The following GABRR2 variants were observed in gnomAD, a reference collection of about 807,000 sequenced individuals.
GABRR2 encodes the protein gamma-aminobutyric acid type A receptor subunit rho2.
GABRR2 carries 36 observed loss-of-function variants against 47.0 expected under a neutral mutation model. The ratio of observed to expected loss-of-function variants is 0.77; its 90% CI spans 0.59 to 1.01. GABRR2 has a LOEUF of 1.01. GABRR2 is among the 50% of genes least tolerant of loss of function. The probability of loss-of-function intolerance (pLI) is 0.00; values close to 1 mark genes in which losing one functional copy is unlikely to be tolerated. For missense variants in GABRR2, 587 were observed against 594.6 expected, an observed-to-expected ratio of 0.99 and a Z score of 0.13; for synonymous variants, 204 against 227.5, an observed-to-expected ratio of 0.90 and a Z score of 0.93.
At chr6:89,279,682 T>TAAA (rs199765709) in intron 2 of GABRR2, among the ~76,000 whole-genome samples, 34 of 129,874 alleles carry the variant, frequency 2.6e-4, no homozygotes, top group African/African-American at 9.5e-4. Flanking sequence ...CAAAAAAAGT[T>TAAA]AAAAAAAAAA....
At chr6:89,278,517 G>A (rs1318884171) in intron 2 of GABRR2, among the ~76,000 whole-genome samples, 1 of 152,248 alleles carries the variant, frequency 6.6e-6, no homozygotes, top group African/African-American at 2.4e-5. Context: ...AAGCTTGTCT[G>A]AGAAGGTGAG....
chr6:89,282,029 C>T (rs1364993417), intron 2 of GABRR2, among the ~76,000 whole-genome samples: 1 of 152,156 alleles, frequency 6.6e-6, no homozygotes, highest in African/African-American at 2.4e-5. Flanking sequence ...ACTCATCCGT[C>T]CAGCCACCTC....
intron 2 of GABRR2, 37 bp from the exon 3 acceptor site, chr6:89,271,759 C>T (rs772423350): frequency 3.2e-6 from 5 of 1,582,494 alleles, no homozygotes; most frequent in Non-Finnish European, 4.3e-6. Context: ...AAGGCACCTT[C>T]CTCTCTACCT....
chr6:89,276,793 G>A (rs1306846017), intron 2 of GABRR2, among the ~76,000 whole-genome samples: 1 of 152,088 alleles, frequency 6.6e-6, no homozygotes, highest in Non-Finnish European at 1.5e-5. Context: ...GTTAAATATA[G>A]AGTCAGTATA....
chr6:89,273,712 T>C (rs1045457975), intron 2 of GABRR2, among the ~76,000 whole-genome samples: 4 of 152,198 alleles, frequency 2.6e-5, no homozygotes, highest in Non-Finnish European at 2.9e-5. Context: ...TCCTAGTACC[T>C]AGATCCCGCT....
chr6:89,286,948 A>T (rs1002560484), intron 2 of GABRR2, among the ~76,000 whole-genome samples: 1 of 152,062 alleles, frequency 6.6e-6, no homozygotes, highest in African/African-American at 2.4e-5. Context: ...CAGCTCCTGT[A>T]CCCCATCCCA....
At chr6:89,293,689 A>G (rs1359746340) in intron 2 of GABRR2, among the ~76,000 whole-genome samples, 1 of 152,256 alleles carries the variant, frequency 6.6e-6, no homozygotes, top group Non-Finnish European at 1.5e-5. Context: ...CAGGAGGCTG[A>G]AGTGGAAGGA....
At chr6:89,308,307 C>G (rs997707786) in intron 1 of GABRR2, among the ~76,000 whole-genome samples, 1 of 152,068 alleles carries the variant, frequency 6.6e-6, no homozygotes, top group Non-Finnish European at 1.5e-5. Flanking sequence ...AATAAAGTGG[C>G]CACTAGACAC....
At position 89,264,528 on chromosome 6, in the gene GABRR2, C is replaced by A. The variant is rs774223622; in HGVS notation, c.970G>T (p.Val324Leu). The change falls in exon 8 of 9, where the codon GTG (valine) becomes TTG (leucine). Residue 324 changes from valine to leucine, a missense_variant. Coordinates refer to ENST00000402938, the MANE Select transcript of GABRR2 (RefSeq NM_002043.5). ...SMPRVSYVKA[V>L]DIYLWVSFVF... Reference sequence around the variant, plus strand: ...AAGCTGACCCAGAGGTAGATGTCCACGGCCTTGACGTAGGAGACGCGCGGC... The same window carrying A: ...AAGCTGACCCAGAGGTAGATGTCCAAGGCCTTGACGTAGGAGACGCGCGGC... The A allele has an allele frequency of 1.9e-6, 3 of 1,614,150 alleles. No homozygotes were observed. The highest frequency in any genetic ancestry group is 2.5e-6 in the Non-Finnish European group (3 of 1,180,014).
chr6:89,313,367 G>T lies in GABRR2; in HGVS notation c.113+1686C>A, dbSNP rs181225013. Among the ~76,000 whole-genome samples the T allele has an allele frequency of 5.2e-3, 796 of 152,320 alleles. 8 individuals are homozygous for T. The highest frequency in any genetic ancestry group is 0.018 in the African/African-American group (761 of 41,564). ...TAACAAAGGTTCTAAAAGTTCTGCTGTAGAGACATCTGTTGAAAATGGTCT... is the reference window on the plus strand; with the variant it reads ...TAACAAAGGTTCTAAAAGTTCTGCTTTAGAGACATCTGTTGAAAATGGTCT... On this transcript the variant is annotated intron_variant, in intron 1 of 8. Transcript: ENST00000402938.
intron 1 of GABRR2, among the ~76,000 whole-genome samples, chr6:89,305,160 G>A (rs1038274090): frequency 1.3e-5 from 2 of 151,820 alleles, no homozygotes; most frequent in African/African-American, 4.8e-5. Flanking sequence ...TTCAAGACCA[G>A]GCTGGCCAAC....
intron 7 of GABRR2, among the ~76,000 whole-genome samples, chr6:89,265,396 A>G (rs1043998455): frequency 7.9e-5 from 12 of 152,314 alleles, no homozygotes; most frequent in African/African-American, 2.4e-4. Flanking sequence ...AAGTGATACA[A>G]TCACAGTTGA....
chr6:89,269,122 C>A lies in GABRR2; in HGVS notation c.401G>T (p.Trp134Leu). ...GTGAACAAAGAAGACATCAGGGACC[C>A]AGATCTTCTTCACCAGCCGGCCATC... ...TFDGRLVKKI[W>L]VPDVFFVHSK... Residue 134 changes from tryptophan to leucine, a missense_variant, in exon 4 of 9, where the codon TGG (tryptophan) becomes TTG (leucine). Physicochemically the swap from Trp to Leu is moderately conservative, Grantham distance 61 (BLOSUM62 -2). Transcript: ENST00000402938. 1 of 1,614,006 alleles carries A rather than the reference C, an allele frequency of 6.2e-7. No individual in the cohort carries two copies. The highest frequency in any genetic ancestry group is 8.5e-7 in the Non-Finnish European group (1 of 1,179,888).
chr6:89,314,859 T>C (rs1582470686), intron 1 of GABRR2, among the ~76,000 whole-genome samples, 194 bp downstream of exon 1: 2 of 152,202 alleles, frequency 1.3e-5, no homozygotes, highest in Non-Finnish European at 2.9e-5. Flanking sequence ...CCCAGTCTAG[T>C]TCTGCTCTCA....
chr6:89,304,975 A>C (rs1767533523), intron 1 of GABRR2, among the ~76,000 whole-genome samples: 1 of 152,266 alleles, frequency 6.6e-6, no homozygotes. Context: ...TTTTCCCATA[A>C]AGACACATGC....
At chr6:89,271,417 G>T (rs574947674) in intron 3 of GABRR2, among the ~76,000 whole-genome samples, 1 of 152,332 alleles carries the variant, frequency 6.6e-6, no homozygotes, top group South Asian at 2.1e-4. Flanking sequence ...CACTCCCAGA[G>T]ATTCTGAATC....
At chr6:89,268,914 C>A in intron 4 of GABRR2, 97 bp downstream of exon 4, 2 of 1,097,746 alleles carry the variant, frequency 1.8e-6, no homozygotes, top group East Asian at 2.4e-5. Flanking sequence ...CACGAACCCA[C>A]AGACCCAACC....
chr6:89,303,459 A>G (rs566402846), intron 1 of GABRR2, among the ~76,000 whole-genome samples: 1 of 152,294 alleles, frequency 6.6e-6, no homozygotes, highest in South Asian at 2.1e-4. Flanking sequence ...AAATGAAAAT[A>G]CATTTCATGC....
intron 1 of GABRR2, among the ~76,000 whole-genome samples, chr6:89,312,348 T>A (rs1767695270): frequency 6.6e-6 from 1 of 152,196 alleles, no homozygotes; most frequent in Non-Finnish European, 1.5e-5. Flanking sequence ...AAATAGGGGC[T>A]GGTCTTTGTA....
Sources: gnomAD v4.1 joint callset for allele counts (sites outside exome capture counted in the v4.1 genomes callset) on GRCh38, gnomAD v4.1.1 for gene constraint, MANE v1.5 for transcripts, NCBI Gene and HGNC (gene_info 2026-07-23, HGNC 2026-07-21) for gene names.